Variants in ITSN1 observed in about 807,000 individuals in gnomAD.
ITSN1 encodes intersectin 1.
In ITSN1, 58 loss-of-function variants were observed where a neutral mutation model predicts 239.8. That is an observed-to-expected ratio of 0.24 (90% CI 0.20 to 0.30). The LOEUF (loss-of-function observed/expected upper bound fraction) is 0.30. ITSN1 is among the 10% of genes least tolerant of loss of function. The probability of loss-of-function intolerance (pLI) is 1.00; values close to 1 mark genes in which losing one functional copy is unlikely to be tolerated. For synonymous variants in ITSN1, 780 were observed against 770.8 expected (o/e 1.01, Z -0.20); for missense variants, 1,558 against 2,103.3 (o/e 0.74, Z 5.07).
intron 20 of ITSN1, among the ~76,000 whole-genome samples, chr21:33,808,674 G>C (rs763419426): frequency 2.6e-5 from 4 of 152,088 alleles, no homozygotes; most frequent in Non-Finnish European, 4.4e-5. Flanking sequence ...AATAAGACAG[G>C]TATTTTTATT....
At chr21:33,685,313 G>A (rs969766805) in intron 1 of ITSN1, among the ~76,000 whole-genome samples, 15 of 152,144 alleles carry the variant, frequency 9.9e-5, no homozygotes, top group Non-Finnish European at 2.2e-4. Flanking sequence ...TTTAAATAGG[G>A]ACGTATTTGC....
intron 8 of ITSN1, among the ~76,000 whole-genome samples, chr21:33,757,552 T>A (rs2068010994): frequency 6.6e-6 from 1 of 152,206 alleles, no homozygotes; most frequent in Non-Finnish European, 1.5e-5. Context: ...ATTTAATTTT[T>A]TTTCCCTTTA....
intron 1 of ITSN1, among the ~76,000 whole-genome samples, chr21:33,686,281 A>G (rs187031049): frequency 6.6e-6 from 1 of 152,016 alleles, no homozygotes; most frequent in African/African-American, 2.4e-5. Context: ...TTCTTTACAG[A>G]TAGGTGCCAT....
Position 33,761,953 on chromosome 21 carries a change from C to A in ITSN1, c.755C>A (p.Ser252Ter). Residue 252 changes from serine to a stop codon, truncating the protein, a stop_gained, in exon 9 of 40, where the codon TCA becomes TAA. Coordinates refer to ENST00000381318, the MANE Select transcript of ITSN1 (RefSeq NM_003024.3). LOFTEE classifies it high-confidence loss of function. ...GPQARTILMQ[S>*]SLPQAQLASI... The stretch of plus-strand genomic sequence containing the variant: ...CAAGCAAGAACTATTCTTATGCAGT[C>A]AAGTTTACCACAGGCTCAGCTGGCT... 1 of 1,613,742 alleles carries A rather than the reference C, an allele frequency of 6.2e-7. No individual in the cohort carries two copies. Among genetic ancestry groups the A allele is most frequent in the South Asian group, 1.1e-5 (1 of 91,062 alleles).
intron 9 of ITSN1, among the ~76,000 whole-genome samples, chr21:33,763,499 G>A (rs1009267020): frequency 6.6e-6 from 1 of 152,136 alleles, no homozygotes; most frequent in African/African-American, 2.4e-5. Context: ...CTCACTGGAT[G>A]CTAGATGCCA....
chr21:33,690,564 C>T (rs1245793900), intron 1 of ITSN1, among the ~76,000 whole-genome samples: 2 of 149,418 alleles, frequency 1.3e-5, no homozygotes, highest in Admixed American at 1.3e-4. Context: ...CGCACCACTG[C>T]ACTCCAGCCT....
At chr21:33,649,227 G>C (rs556371867) in intron 1 of ITSN1, among the ~76,000 whole-genome samples, 30 of 152,302 alleles carry the variant, frequency 2.0e-4, no homozygotes, top group Admixed American at 1.5e-3. Context: ...CCACTTTGGA[G>C]ATAGAAAGTG....
intron 35 of ITSN1, among the ~76,000 whole-genome samples, chr21:33,883,015 G>A (rs763362720): frequency 6.6e-6 from 1 of 152,134 alleles, no homozygotes; most frequent in Middle Eastern, 3.2e-3. Context: ...GTCTGCATGG[G>A]GGTGTTTTTA....
chr21:33,800,940 CCTG>C (rs1569207398), intron 19 of ITSN1, among the ~76,000 whole-genome samples: 8 of 151,746 alleles, frequency 5.3e-5, no homozygotes, highest in African/African-American at 1.9e-4. Context: ...CCTCTGCCTC[CCTG>C]CAACCTCTGC....
At chr21:33,823,981 A>G (rs1242885951) in intron 25 of ITSN1, among the ~76,000 whole-genome samples, 1 of 152,234 alleles carries the variant, frequency 6.6e-6, no homozygotes, top group Non-Finnish European at 1.5e-5. Flanking sequence ...TGATTAGATC[A>G]TTATGGTCAT....
At chr21:33,802,365 A>G (rs1238076869) in intron 19 of ITSN1, 65 bp from the exon 20 acceptor site, 3 of 1,493,458 alleles carry the variant, frequency 2.0e-6, no homozygotes, top group Non-Finnish European at 2.8e-6. Context: ...ATATGCTGTA[A>G]GAATAAAGCA....
At position 33,860,328 on chromosome 21, in the gene ITSN1, A is replaced by G. The variant is rs138762512; in HGVS notation, c.3890+1536A>G. 2.3e-3 allele frequency among the ~76,000 whole-genome samples: 355 copies of G among 152,064 alleles called. 9 individuals are homozygous for G. In the East Asian group the frequency reaches 0.051, roughly 22 times the overall value. ...GTCTCAAAAAAAGAAAAAAAAAAAA[A>G]AAAAGAAAAGAAAATATACCTGTAA... On this transcript the variant is annotated intron_variant, in intron 31 of 39. Transcript: ENST00000381318.
intron 7 of ITSN1, chr21:33,754,165 A>G (rs930983584): frequency 6.6e-6 from 1 of 152,156 alleles, no homozygotes; most frequent in Non-Finnish European, 1.5e-5. Context: ...TCAGCAAAAT[A>G]TTAGTTAGTT....
At chr21:33,862,292 G>T (rs1375932236) in intron 31 of ITSN1, among the ~76,000 whole-genome samples, 1 of 145,446 alleles carries the variant, frequency 6.9e-6, no homozygotes, top group Non-Finnish European at 1.5e-5. Context: ...AAAAAGAAAA[G>T]AAAAAAAAAA....
chr21:33,849,565 CAAAA>C (rs55906219), intron 29 of ITSN1, among the ~76,000 whole-genome samples: 2 of 85,724 alleles, frequency 2.3e-5, no homozygotes, highest in African/African-American at 3.8e-5. Flanking sequence ...GACTCTGTCT[CAAAA>C]AAAAAAAAAA....
At chr21:33,780,551 A>G (rs2070080335) in intron 14 of ITSN1, among the ~76,000 whole-genome samples, 1 of 152,214 alleles carries the variant, frequency 6.6e-6, no homozygotes, top group Non-Finnish European at 1.5e-5. Context: ...GACATGCATT[A>G]CACAGAGATT....
At chr21:33,799,157 C>T (rs548767110) in intron 18 of ITSN1, among the ~76,000 whole-genome samples, 9 of 152,250 alleles carry the variant, frequency 5.9e-5, no homozygotes, top group South Asian at 2.1e-4. Context: ...AAATATCCTC[C>T]GCTCATGTGC....
intron 12 of ITSN1, among the ~76,000 whole-genome samples, chr21:33,774,146 A>G (rs1356789658): frequency 6.6e-6 from 1 of 152,210 alleles, no homozygotes; most frequent in Admixed American, 6.5e-5. Flanking sequence ...TGGATGACCC[A>G]TGAGTCAGAG....
intron 38 of ITSN1, among the ~76,000 whole-genome samples, 200 bp downstream of exon 38, chr21:33,885,722 C>T (rs573957005): frequency 1.7e-4 from 26 of 152,152 alleles, no homozygotes; most frequent in South Asian, 1.7e-3. Flanking sequence ...TCTGCTTCTC[C>T]GAGGGATCTG....
Sources: gnomAD v4.1 joint callset for allele counts (sites outside exome capture counted in the v4.1 genomes callset) on GRCh38, gnomAD v4.1.1 for gene constraint, MANE v1.5 for transcripts, NCBI Gene and HGNC (gene_info 2026-07-23, HGNC 2026-07-21) for gene names.